FSTL5: variants seen among roughly 807,000 people sequenced by gnomAD.
FSTL5 encodes follistatin like 5.
Under a neutral mutation model 89.1 loss-of-function variants are expected in FSTL5, and 62 were observed. That is an observed-to-expected ratio of 0.70 (90% CI 0.57 to 0.86). The LOEUF is 0.86. Ranked by LOEUF, FSTL5 falls within the 40% of genes least tolerant of loss-of-function variation. FSTL5 has a pLI of 0.00. For missense variants in FSTL5, 1,057 were observed against 1,001.6 expected, an observed-to-expected ratio of 1.06 and a Z score of -0.75; for synonymous variants, 383 against 346.2, an observed-to-expected ratio of 1.11 and a Z score of -1.18.
intron 6 of FSTL5, among the ~76,000 whole-genome samples, chr4:161,739,759 AAAAG>A (rs1305337903): frequency 6.6e-6 from 1 of 152,136 alleles, no homozygotes. Context: ...CAAAATATGT[AAAAG>A]TTATCTCTGT....
chr4:162,015,444 GCTT>G (rs1578948794), intron 3 of FSTL5, among the ~76,000 whole-genome samples: 1 of 152,062 alleles, frequency 6.6e-6, no homozygotes, highest in African/African-American at 2.4e-5. Flanking sequence ...TGGAATATGC[GCTT>G]CTTCTCTGAT....
chr4:161,412,032 T>A (rs1179879214), intron 15 of FSTL5, among the ~76,000 whole-genome samples: 2 of 152,130 alleles, frequency 1.3e-5, no homozygotes, highest in African/African-American at 4.8e-5. Context: ...TCAGTAGCAT[T>A]TCCATACACT....
intron 15 of FSTL5, among the ~76,000 whole-genome samples, chr4:161,436,008 C>T (rs559304056): frequency 8.5e-5 from 13 of 152,118 alleles, no homozygotes; most frequent in Non-Finnish European, 1.3e-4. Context: ...AGTTTCCTCA[C>T]ATTTCTTGCC....
At chr4:161,413,177 T>A (rs1731652397) in intron 15 of FSTL5, among the ~76,000 whole-genome samples, 1 of 139,894 alleles carries the variant, frequency 7.1e-6, no homozygotes, top group South Asian at 2.3e-4. Flanking sequence ...AAAGGCTTAA[T>A]ATTCAGAATC....
At chr4:161,542,774 A>T in intron 8 of FSTL5, 81 bp from the exon 9 acceptor site, 1 of 753,700 alleles carries the variant, frequency 1.3e-6, no homozygotes, top group Non-Finnish European at 1.9e-6. Context: ...TTGCAATAAG[A>T]TAAATAATAA....
intron 14 of FSTL5, among the ~76,000 whole-genome samples, chr4:161,458,879 T>C (rs563222874): frequency 2.9e-4 from 44 of 152,386 alleles, no homozygotes; most frequent in Non-Finnish European, 5.4e-4. Flanking sequence ...GCTTTTGCTG[T>C]CGAATTCTCT....
At chr4:161,441,955 A>T (rs1732776200) in intron 15 of FSTL5, among the ~76,000 whole-genome samples, 1 of 152,076 alleles carries the variant, frequency 6.6e-6, no homozygotes, top group African/African-American at 2.4e-5. Context: ...ACTTAACTTG[A>T]GCTAGTTCTT....
intron 4 of FSTL5, among the ~76,000 whole-genome samples, chr4:161,907,637 T>A (rs1342507284): frequency 6.6e-6 from 1 of 152,124 alleles, no homozygotes; most frequent in Non-Finnish European, 1.5e-5. Flanking sequence ...TGGGTGCTGA[T>A]ACTATCACTT....
intron 8 of FSTL5, among the ~76,000 whole-genome samples, chr4:161,572,318 TAAAAAAAAAAAAAAAA>T (rs755306574): frequency 6.2e-5 from 4 of 64,060 alleles, no homozygotes; most frequent in Non-Finnish European, 1.1e-4. Context: ...AGACTCCGTC[TAAAAAAAAAAAAAAAA>T]AAAAAAAAAA....
intron 4 of FSTL5, among the ~76,000 whole-genome samples, chr4:161,875,716 T>A (rs1316610736): frequency 6.6e-6 from 1 of 152,216 alleles, no homozygotes; most frequent in Non-Finnish European, 1.5e-5. Context: ...ATGGTATGAC[T>A]CTTGATTTTA....
chr4:162,042,089 T>A (rs562476593), intron 2 of FSTL5: 2 of 151,960 alleles, frequency 1.3e-5, no homozygotes, highest in East Asian at 3.9e-4. Flanking sequence ...CACGGCAGTT[T>A]TGGTGAGCCG....
At chr4:162,123,417 G>T (rs921929017) in intron 1 of FSTL5, among the ~76,000 whole-genome samples, 1 of 152,168 alleles carries the variant, frequency 6.6e-6, no homozygotes, top group African/African-American at 2.4e-5. Flanking sequence ...CAGAAAGAGA[G>T]ATGTGGCCAT....
At chr4:161,531,865 G>A (rs1578903672) in intron 10 of FSTL5, among the ~76,000 whole-genome samples, 1 of 152,066 alleles carries the variant, frequency 6.6e-6, no homozygotes. Flanking sequence ...GGGTTTTCTA[G>A]GCTTTTGAGA....
chr4:161,544,470 G>A (rs1731941394), intron 8 of FSTL5, among the ~76,000 whole-genome samples: 1 of 151,930 alleles, frequency 6.6e-6, no homozygotes, highest in Non-Finnish European at 1.5e-5. Context: ...TGTTGCTAGG[G>A]ACTGAGGAAA....
intron 6 of FSTL5, among the ~76,000 whole-genome samples, chr4:161,658,218 C>T (rs1458823674): frequency 6.6e-6 from 1 of 152,128 alleles, no homozygotes; most frequent in Non-Finnish European, 1.5e-5. Flanking sequence ...GTAATTTCAG[C>T]ATCGGGAGGC....
At chr4:161,733,367 A>G (rs1256506539) in intron 6 of FSTL5, among the ~76,000 whole-genome samples, 1 of 152,038 alleles carries the variant, frequency 6.6e-6, no homozygotes, top group African/African-American at 2.4e-5. Flanking sequence ...CAGAACTTAT[A>G]AGTCCTAGTA....
intron 3 of FSTL5, among the ~76,000 whole-genome samples, chr4:161,941,094 T>C (rs1005872271): frequency 3.3e-5 from 5 of 151,822 alleles, no homozygotes; most frequent in African/African-American, 7.2e-5. Flanking sequence ...TTCAACTAAA[T>C]TGTTATAAAT....
intron 4 of FSTL5, among the ~76,000 whole-genome samples, chr4:161,814,447 T>A (rs1352079727): frequency 1.3e-5 from 2 of 152,306 alleles, no homozygotes; most frequent in Non-Finnish European, 2.9e-5. Flanking sequence ...CATTTCAATG[T>A]TTGAACTGAT....
chr4:161,644,956 G>A (rs547595315), intron 7 of FSTL5, among the ~76,000 whole-genome samples: 1 of 152,000 alleles, frequency 6.6e-6, no homozygotes, highest in Admixed American at 6.5e-5. Flanking sequence ...TAAAATGAGG[G>A]TTAAAACTTA....
Sources: allele counts gnomAD v4.1 joint callset (sites outside exome capture counted in the v4.1 genomes callset), GRCh38; gene constraint gnomAD v4.1.1; transcripts MANE v1.5; gene names NCBI Gene and HGNC (gene_info 2026-07-23, HGNC 2026-07-21).